LRRC7: variants seen among roughly 807,000 people sequenced by gnomAD.
The protein encoded by LRRC7 is leucine rich repeat containing 7.
Under a neutral mutation model 175.7 loss-of-function variants are expected in LRRC7, and 23 were observed. That is an observed-to-expected ratio of 0.13 (90% confidence interval 0.09 to 0.19). The LOEUF (loss-of-function observed/expected upper bound fraction) is 0.19. Ranked by LOEUF, LRRC7 falls within the 10% of genes least tolerant of loss-of-function variation. LRRC7 has a pLI of 1.00. For missense variants in LRRC7, 1,354 were observed against 1,904.7 expected (o/e 0.71, Z 5.38); for synonymous variants, 685 against 680.9 (o/e 1.01, Z -0.09).
intron 2 of LRRC7, among the ~76,000 whole-genome samples, chr1:69,726,711 C>G (rs1311735033): frequency 6.6e-6 from 1 of 151,804 alleles, no homozygotes; most frequent in Non-Finnish European, 1.5e-5. Flanking sequence ...GAGAGCAAAA[C>G]TTGCCTTTAA....
At chr1:69,781,686 AAG>A (rs1247055634) in intron 3 of LRRC7, among the ~76,000 whole-genome samples, 5 of 82,894 alleles carry the variant, frequency 6.0e-5, no homozygotes, top group South Asian at 3.2e-4. Context: ...TCTCAAAAAA[AAG>A]AAGAAAGAAA....
chr1:70,064,337 CAGTAGGCACTGTACT>C (rs1661803602), intron 23 of LRRC7, among the ~76,000 whole-genome samples: 1 of 151,966 alleles, frequency 6.6e-6, no homozygotes, highest in Non-Finnish European at 1.5e-5. Flanking sequence ...ACAGTACATA[CAGTAGGCACTGTACT>C]AAGATGCTTA....
At chr1:69,900,067 T>C (rs752727640) in intron 7 of LRRC7, among the ~76,000 whole-genome samples, 44 of 152,238 alleles carry the variant, frequency 2.9e-4, no homozygotes, top group Non-Finnish European at 5.4e-4. Flanking sequence ...TATTATTTTG[T>C]CTTTTTCCAA....
chr1:69,668,497 A>T (rs1339197517), intron 1 of LRRC7, among the ~76,000 whole-genome samples: 1 of 152,218 alleles, frequency 6.6e-6, no homozygotes, highest in East Asian at 1.9e-4. Context: ...ATGGAGGCAT[A>T]GTATTCCATG....
chr1:69,959,857 A>G (rs1264297500), intron 8 of LRRC7, among the ~76,000 whole-genome samples: 1 of 152,154 alleles, frequency 6.6e-6, no homozygotes, highest in Non-Finnish European at 1.5e-5. Flanking sequence ...GTGGTGGACA[A>G]GCTTTTTGAT....
chr1:69,944,518 T>A (rs1324845941), intron 8 of LRRC7, among the ~76,000 whole-genome samples: 2 of 152,134 alleles, frequency 1.3e-5, no homozygotes, highest in African/African-American at 2.4e-5. Context: ...TTTGGATAAG[T>A]ATCCAAAAGC....
In LRRC7 at chr1:70,039,774, A is replaced by T. The variant is rs768399344; in HGVS notation, c.3950A>T (p.Glu1317Val). The change falls in exon 21 of 27, where the codon GAA becomes GTA. Residue 1317 changes from glutamate to valine, a missense_variant. Physicochemically the swap from Glu to Val is moderately radical, Grantham distance 121 (BLOSUM62 -2). Around this residue, in one of 4 missense-constraint regions of LRRC7, gnomAD observed 1,032 missense variants for 1,227.2 expected, o/e 0.84. Transcript: ENST00000651989. ...DWRQQLLRHI[E>V]ARRLDRNAAY... ...AGACAACAGCTGCTTAGACATATAG[A>T]AGCTAGACGGTTAGACAGGGTATGT... 1 of 1,600,594 alleles carries T rather than the reference A, an allele frequency of 6.2e-7. No homozygotes were observed. Among genetic ancestry groups the T allele is most frequent in the East Asian group, 2.2e-5 (1 of 44,816 alleles).
chr1:69,575,551 T>G (rs1569604299), intron 1 of LRRC7, among the ~76,000 whole-genome samples: 2 of 152,184 alleles, frequency 1.3e-5, no homozygotes, highest in Admixed American at 1.3e-4. Flanking sequence ...ATTCTATTTT[T>G]AAAATATCTT....
chr1:70,004,206 C>T (rs779134633), intron 11 of LRRC7, among the ~76,000 whole-genome samples: 1 of 152,112 alleles, frequency 6.6e-6, no homozygotes, highest in Non-Finnish European at 1.5e-5. Context: ...CTGAATTCAG[C>T]ATAGGCCGTG....
chr1:69,943,078 G>T (rs1468751196), intron 8 of LRRC7, among the ~76,000 whole-genome samples: 4 of 152,088 alleles, frequency 2.6e-5, no homozygotes, highest in African/African-American at 4.8e-5. Flanking sequence ...GAAGCCAGAA[G>T]ATTGGACAGC....
intron 7 of LRRC7, among the ~76,000 whole-genome samples, chr1:69,926,825 T>C (rs1433404865): frequency 1.3e-5 from 2 of 152,208 alleles, no homozygotes; most frequent in Non-Finnish European, 2.9e-5. Context: ...TTAACATTGT[T>C]ATGTGTGAAT....
intron 10 of LRRC7, among the ~76,000 whole-genome samples, chr1:69,993,987 C>A (rs1036875214): frequency 1.3e-5 from 2 of 152,162 alleles, no homozygotes; most frequent in African/African-American, 2.4e-5. Context: ...AACTTAAATT[C>A]TTGGCCAGTT....
At chr1:70,098,329 A>G (rs1361379782) in intron 25 of LRRC7, among the ~76,000 whole-genome samples, 4 of 151,996 alleles carry the variant, frequency 2.6e-5, no homozygotes, top group African/African-American at 7.3e-5. Context: ...CAGTGTGTAG[A>G]GGGAAATTTA....
intron 25 of LRRC7, among the ~76,000 whole-genome samples, chr1:70,098,731 T>C (rs916328734): frequency 2.6e-5 from 4 of 151,566 alleles, no homozygotes; most frequent in African/African-American, 9.7e-5. Context: ...AAGAAATGGA[T>C]AAATTCCTTG....
intron 2 of LRRC7, among the ~76,000 whole-genome samples, chr1:69,709,399 A>G (rs1664462388): frequency 1.3e-5 from 2 of 152,170 alleles, no homozygotes; most frequent in African/African-American, 4.8e-5. Context: ...TCACATGGCC[A>G]CAGTCTAGCT....
intron 7 of LRRC7, among the ~76,000 whole-genome samples, chr1:69,907,102 A>C (rs1272490512): frequency 6.6e-6 from 1 of 152,088 alleles, no homozygotes; most frequent in Non-Finnish European, 1.5e-5. Context: ...ATTTTTGTAC[A>C]TTGATTTTAT....
intron 8 of LRRC7, among the ~76,000 whole-genome samples, chr1:69,935,870 G>T (rs1480231034): frequency 6.6e-6 from 1 of 152,026 alleles, no homozygotes; most frequent in African/African-American, 2.4e-5. Context: ...TTTCTGTTTT[G>T]CTTAAGAAGT....
In LRRC7 at chr1:70,125,681, A is replaced by G. The variant is rs1021260260; in HGVS notation, c.*3794A>G. 4.5e-3 allele frequency among the ~76,000 whole-genome samples: 661 copies of G among 147,834 alleles called. 4 individuals are homozygous for G. The highest frequency in any genetic ancestry group is 0.016 in the African/African-American group (647 of 40,400). On this transcript the variant is annotated 3_prime_UTR_variant, in exon 27 of 27. Coordinates refer to ENST00000651989, the MANE Select transcript of LRRC7 (RefSeq NM_001370785.2). ...GTGGCGGGCGCCTGTAGTCCCAGCT[A>G]CTTGGGAGGCTGAGGCAGGAGAATG...
intron 1 of LRRC7, among the ~76,000 whole-genome samples, chr1:69,619,535 A>C (rs1488155943): frequency 6.6e-6 from 1 of 152,190 alleles, no homozygotes; most frequent in Non-Finnish European, 1.5e-5. Flanking sequence ...CTGAATTTCA[A>C]GCTGAATTTG....
Sources: allele counts gnomAD v4.1 joint callset (sites outside exome capture counted in the v4.1 genomes callset), GRCh38; gene constraint gnomAD v4.1.1; regional missense constraint gnomAD v4.1.1; transcripts MANE v1.5; gene names NCBI Gene and HGNC (gene_info 2026-07-23, HGNC 2026-07-21).